The following VPS13B variants were observed in gnomAD, a reference collection of about 807,000 sequenced individuals.
VPS13B encodes the protein intermembrane lipid transfer protein VPS13B.
In VPS13B, 285 loss-of-function variants were observed where a neutral mutation model predicts 426.4. The ratio of observed to expected loss-of-function variants is 0.67; its 90% CI spans 0.61 to 0.74. The LOEUF is 0.74. Ranked by LOEUF, VPS13B falls within the 30% of genes least tolerant of loss-of-function variation. The pLI is 0.00. For synonymous variants in VPS13B, 1,676 were observed against 1,676.4 expected (o/e 1.00, Z 0.01); for missense variants, 4,537 against 4,782.6 (o/e 0.95, Z 1.51).
chr8:99,841,430 C>A (rs1264208171), intron 54 of VPS13B, among the ~76,000 whole-genome samples: 1 of 152,198 alleles, frequency 6.6e-6, no homozygotes. Context: ...CTTCTAGAGT[C>A]TCTGCATCAG....
At chr8:99,744,696 C>T (rs963677825) in intron 39 of VPS13B, among the ~76,000 whole-genome samples, 2 of 152,032 alleles carry the variant, frequency 1.3e-5, no homozygotes, top group African/African-American at 4.8e-5. Flanking sequence ...TGGAAACCAT[C>T]ATTCTCAGCA....
intron 30 of VPS13B, among the ~76,000 whole-genome samples, chr8:99,539,961 A>G (rs1212905199): frequency 7.5e-6 from 1 of 133,920 alleles, no homozygotes; most frequent in Non-Finnish European, 1.6e-5. Flanking sequence ...TATAGCATTT[A>G]TATATAAAAA....
chr8:99,391,513 GAAAAACT>G, intron 20 of VPS13B, 37 bp from the exon 21 acceptor site: 1 of 1,613,594 alleles, frequency 6.2e-7, no homozygotes. Flanking sequence ...AAGAAATAGT[GAAAAACT>G]AAAAACTAAA....
intron 33 of VPS13B, among the ~76,000 whole-genome samples, chr8:99,581,202 T>G (rs12677357): frequency 0.18 from 26,513 of 151,454 alleles, 2,845 homozygotes; most frequent in East Asian, 0.39. Flanking sequence ...AAGTATAATA[T>G]GATAGGGGGA....
At chr8:99,597,661 C>T (rs1034920176) in intron 33 of VPS13B, among the ~76,000 whole-genome samples, 1 of 151,956 alleles carries the variant, frequency 6.6e-6, no homozygotes, top group African/African-American at 2.4e-5. Context: ...GGAGAAAACA[C>T]AGTAAGGATA....
At chr8:99,486,580 A>G (rs1490463684) in intron 25 of VPS13B, among the ~76,000 whole-genome samples, 2 of 152,174 alleles carry the variant, frequency 1.3e-5, no homozygotes, top group Non-Finnish European at 2.9e-5. Flanking sequence ...AAAAACATCC[A>G]TGGCATTTCT....
At chr8:99,487,619 T>A (rs929922323) in intron 25 of VPS13B, among the ~76,000 whole-genome samples, 2 of 152,132 alleles carry the variant, frequency 1.3e-5, no homozygotes, top group Admixed American at 1.3e-4. Context: ...TCTCCCTCCA[T>A]CCATGGTAAC....
intron 19 of VPS13B, among the ~76,000 whole-genome samples, chr8:99,322,257 A>G (rs1810021107): frequency 6.6e-6 from 1 of 152,222 alleles, no homozygotes; most frequent in African/African-American, 2.4e-5. Context: ...CAACTGCATC[A>G]TTAAAATGTA....
chr8:99,852,404 G>A (rs1314156121), intron 55 of VPS13B, among the ~76,000 whole-genome samples: 1 of 152,194 alleles, frequency 6.6e-6, no homozygotes, highest in Non-Finnish European at 1.5e-5. Context: ...AGTGAAGATG[G>A]GGGTGAGAAG....
Position 99,293,725 on chromosome 8 carries a change from G to A in VPS13B, c.2824+18471G>A, listed in dbSNP as rs183389492. ...AAAACAAACAACCCCATCAAAAAGC[G>A]GGTGGACATGAACAGACACTTCTCA... is the stretch of plus-strand genomic sequence containing the variant. On this transcript the variant is annotated intron_variant, in intron 19 of 61. Transcript: ENST00000357162. 6.6e-4 allele frequency among the ~76,000 whole-genome samples: 101 copies of A among 152,114 alleles called. 1 individual carries two copies. The highest frequency in any genetic ancestry group is 1.9e-3 in the African/African-American group (80 of 41,490).
chr8:99,655,414 T>C (rs2129697368), intron 34 of VPS13B, among the ~76,000 whole-genome samples: 1 of 152,340 alleles, frequency 6.6e-6, no homozygotes, highest in Admixed American at 6.5e-5. Context: ...CATTTTCCTC[T>C]TTATTCTCCC....
intron 39 of VPS13B, among the ~76,000 whole-genome samples, chr8:99,756,070 A>G (rs572554689): frequency 6.6e-6 from 1 of 152,104 alleles, no homozygotes; most frequent in Non-Finnish European, 1.5e-5. Flanking sequence ...AATGTATTCA[A>G]AGAACTAAAA....
chr8:99,445,754 A>G (rs1417319324), intron 23 of VPS13B, among the ~76,000 whole-genome samples: 1 of 152,110 alleles, frequency 6.6e-6, no homozygotes, highest in African/African-American at 2.4e-5. Flanking sequence ...TACAGTTCTT[A>G]AAACACTTTA....
rs759536357 is a variant in VPS13B at position 99,115,834 on chromosome 8, CCTTA to C, written c.901_904del (p.Thr301ValfsTer7). On this transcript the variant is annotated frameshift_variant, in exon 7 of 62. Coordinates refer to ENST00000357162, the MANE Select transcript of VPS13B (RefSeq NM_152564.5). LOFTEE classifies it high-confidence loss of function. ...ATTTTAAAGAAGGCGAAATAGAGGA[CCTTA>C]CTTGTCATAATAAAGATATGCTAGG... The C allele has an allele frequency of 1.4e-5, 23 of 1,613,318 alleles. No homozygotes were observed. Among genetic ancestry groups the C allele is most frequent in the Non-Finnish European group, 1.7e-5 (20 of 1,179,752 alleles).
chr8:99,284,101 A>G (rs1819303782), intron 19 of VPS13B, among the ~76,000 whole-genome samples: 1 of 152,194 alleles, frequency 6.6e-6, no homozygotes, highest in South Asian at 2.1e-4. Flanking sequence ...TAGAAATGTC[A>G]AGTTCTAGCT....
intron 39 of VPS13B, among the ~76,000 whole-genome samples, chr8:99,763,706 G>A (rs186846281): frequency 5.5e-4 from 84 of 152,210 alleles, no homozygotes; most frequent in Middle Eastern, 3.4e-3. Flanking sequence ...GAGAATATAG[G>A]AGCAATAACC....
At chr8:99,112,302 A>T (rs62532637) in intron 6 of VPS13B, among the ~76,000 whole-genome samples, 3,123 of 152,284 alleles carry the variant, frequency 0.021, 46 homozygotes, top group Non-Finnish European at 0.03. Context: ...GAAGGGCTGG[A>T]CTTAGGTGTC....
intron 54 of VPS13B, 135 bp downstream of exon 54, chr8:99,835,873 A>G: frequency 1.1e-6 from 1 of 879,038 alleles, no homozygotes; most frequent in Non-Finnish European, 1.8e-6. Flanking sequence ...ATGTGTATCC[A>G]TTTTTACGTC....
intron 35 of VPS13B, among the ~76,000 whole-genome samples, chr8:99,688,936 A>G (rs1831533963): frequency 6.6e-6 from 1 of 152,106 alleles, no homozygotes; most frequent in Non-Finnish European, 1.5e-5. Context: ...GGGGCAATAA[A>G]TGATTACTAG....
Sources: gnomAD v4.1 joint callset for allele counts (sites outside exome capture counted in the v4.1 genomes callset) on GRCh38, gnomAD v4.1.1 for gene constraint, MANE v1.5 for transcripts, NCBI Gene and HGNC (gene_info 2026-07-23, HGNC 2026-07-21) for gene names.